Variants in GRM1 observed in about 807,000 individuals in gnomAD.
GRM1 encodes metabotropic glutamate receptor 1.
A neutral mutation model predicts 90.9 loss-of-function variants in GRM1; 33 were observed. The ratio of observed to expected loss-of-function variants is 0.36; its 90% CI spans 0.28 to 0.49. The LOEUF (loss-of-function observed/expected upper bound fraction) is 0.49. Ranked by LOEUF, GRM1 falls within the 20% of genes least tolerant of loss-of-function variation. GRM1 has a pLI of 0.99. For missense variants in GRM1, 1,190 were observed against 1,534.3 expected (o/e 0.78, Z 3.75); for synonymous variants, 700 against 613.2 (o/e 1.14, Z -2.09).
chr6:146,148,274 AC>A (rs749492228), intron 1 of GRM1, among the ~76,000 whole-genome samples: 3 of 151,900 alleles, frequency 2.0e-5, no homozygotes, highest in Non-Finnish European at 4.4e-5. Context: ...TAACTTAGAA[AC>A]AAAAAATATT....
Position 146,434,875 on chromosome 6 carries a change from A to G in GRM1, c.*79A>G. The G allele has an allele frequency of 3.0e-6, 4 of 1,312,966 alleles. No homozygotes were observed. The highest frequency in any genetic ancestry group is 4.3e-6 in the Non-Finnish European group (4 of 923,924). The allele number at this position is 1,312,966 out of a possible 1,614,324, so 81.3% of individuals were successfully genotyped here. Reference sequence around the variant, plus strand: ...CAGAGATGTGCAAACAGCTGGGAGGAAAAGCCTGGGAGTGGGGGGCCTCGT... The same window carrying G: ...CAGAGATGTGCAAACAGCTGGGAGGGAAAGCCTGGGAGTGGGGGGCCTCGT... On this transcript the variant is annotated 3_prime_UTR_variant, in exon 8 of 8. Coordinates refer to ENST00000282753, the MANE Select transcript of GRM1 (RefSeq NM_001278064.2).
intron 1 of GRM1, among the ~76,000 whole-genome samples, chr6:146,104,819 C>A (rs1484285195): frequency 6.6e-6 from 1 of 152,102 alleles, no homozygotes; most frequent in Non-Finnish European, 1.5e-5. Flanking sequence ...AATTTTGCAA[C>A]GTGATATTGA....
intron 2 of GRM1, among the ~76,000 whole-genome samples, chr6:146,203,222 A>AAT (rs1779380798): frequency 6.6e-6 from 1 of 151,522 alleles, no homozygotes; most frequent in East Asian, 1.9e-4. Flanking sequence ...TAAATAAATA[A>AAT]ATAAATAAAT....
intron 3 of GRM1, among the ~76,000 whole-genome samples, chr6:146,331,208 G>A (rs1319092490): frequency 6.6e-6 from 1 of 152,106 alleles, no homozygotes; most frequent in African/African-American, 2.4e-5. Flanking sequence ...AGTCACTATT[G>A]GAAATGATCT....
At chr6:146,263,624 T>C (rs1347925034) in intron 2 of GRM1, among the ~76,000 whole-genome samples, 1 of 152,052 alleles carries the variant, frequency 6.6e-6, no homozygotes, top group African/African-American at 2.4e-5. Context: ...ATTGCTTTAG[T>C]ACAATATTTT....
Position 146,399,014 on chromosome 6 carries a change from C to A in GRM1, c.1975C>A (p.Leu659Ile). The A allele has an allele frequency of 1.2e-6, 2 of 1,614,052 alleles. No individual in the cohort carries two copies. Among genetic ancestry groups the A allele is most frequent in the Non-Finnish European group, 1.7e-6 (2 of 1,179,982 alleles). Reference sequence around the variant, plus strand: ...CAAACCTACTACCACCTCCTGCTACCTCCAGCGCCTCTTGGTTGGCCTCTC... The same window carrying A: ...CAAACCTACTACCACCTCCTGCTACATCCAGCGCCTCTTGGTTGGCCTCTC... ...IAKPTTTSCYLQRLLVGLSSA... is the reference protein window; with the variant it reads ...IAKPTTTSCYIQRLLVGLSSA... Residue 659 changes from leucine (L) to isoleucine (I), a missense_variant, in exon 7 of 8, where the codon CTC (leucine) becomes ATC (isoleucine). Transcript: ENST00000282753. This position sits in a 1 kb window ranked among gnomAD's most constrained non-coding sequence, Gnocchi z 5.4.
At chr6:146,411,585 G>A (rs1157509447) in intron 7 of GRM1, among the ~76,000 whole-genome samples, 1 of 152,166 alleles carries the variant, frequency 6.6e-6, no homozygotes. Flanking sequence ...CAGTATGCAG[G>A]ATGTTTAGGA....
chr6:146,140,157 C>CTCCTTCCT (rs1206596762), intron 1 of GRM1, among the ~76,000 whole-genome samples: 1 of 110,232 alleles, frequency 9.1e-6, no homozygotes, highest in African/African-American at 3.5e-5. Flanking sequence ...TTCCTTCTTT[C>CTCCTTCCT]TCCTTCCTTC....
chr6:146,392,954 G>A (rs879078875), intron 6 of GRM1, among the ~76,000 whole-genome samples: 1 of 152,118 alleles, frequency 6.6e-6, no homozygotes, highest in Admixed American at 6.5e-5. Flanking sequence ...ATTTGGGTTG[G>A]TTCCAAGTTT....
chr6:146,065,660 A>G (rs1396369890), intron 1 of GRM1, among the ~76,000 whole-genome samples: 2 of 152,202 alleles, frequency 1.3e-5, no homozygotes, highest in African/African-American at 4.8e-5. Flanking sequence ...AAACAAGGAT[A>G]GAAGCAGGGT....
At chr6:146,419,926 G>A (rs1475730132) in intron 7 of GRM1, among the ~76,000 whole-genome samples, 1 of 152,144 alleles carries the variant, frequency 6.6e-6, no homozygotes, top group Non-Finnish European at 1.5e-5. Context: ...ATATTCCTGA[G>A]TTTCCAGGCT....
At chr6:146,315,483 G>A (rs1250745622) in intron 3 of GRM1, among the ~76,000 whole-genome samples, 1 of 152,282 alleles carries the variant, frequency 6.6e-6, no homozygotes, top group African/African-American at 2.4e-5. Context: ...ATACTATTAT[G>A]CAATCCATTT....
At chr6:146,279,338 A>G (rs1174042596) in intron 2 of GRM1, among the ~76,000 whole-genome samples, 1 of 151,592 alleles carries the variant, frequency 6.6e-6, no homozygotes, top group African/African-American at 2.4e-5. Flanking sequence ...TCTATTACAT[A>G]CTCTCTTTTT....
At chr6:146,172,471 G>A (rs1035075459) in intron 2 of GRM1, among the ~76,000 whole-genome samples, 7 of 152,180 alleles carry the variant, frequency 4.6e-5, no homozygotes, top group Admixed American at 4.6e-4. Flanking sequence ...ATTTGAGCAT[G>A]GACATCTTTG....
At chr6:146,135,997 A>G (rs1367330641) in intron 1 of GRM1, among the ~76,000 whole-genome samples, 1 of 152,104 alleles carries the variant, frequency 6.6e-6, no homozygotes, top group East Asian at 1.9e-4. Context: ...AATTGTTTGA[A>G]TTTTAGCTTT....
intron 1 of GRM1, among the ~76,000 whole-genome samples, chr6:146,142,236 CT>C: frequency 6.6e-6 from 1 of 152,154 alleles, no homozygotes; most frequent in Non-Finnish European, 1.5e-5. Flanking sequence ...TTTATCTTCC[CT>C]TACTTTCTCC....
intron 7 of GRM1, among the ~76,000 whole-genome samples, chr6:146,432,672 TA>T (rs1333907797): frequency 7.2e-5 from 11 of 152,146 alleles, no homozygotes; most frequent in Non-Finnish European, 1.2e-4. Context: ...AGCAAACTTC[TA>T]AAAAAAGAAA....
intron 1 of GRM1, among the ~76,000 whole-genome samples, chr6:146,078,936 G>C (rs556081025): frequency 6.6e-6 from 1 of 152,172 alleles, no homozygotes; most frequent in Admixed American, 6.5e-5. Flanking sequence ...TTTGAAGGGT[G>C]GGGGAGAATG....
At chr6:146,329,430 T>C (rs1201548765) in intron 3 of GRM1, among the ~76,000 whole-genome samples, 1 of 152,186 alleles carries the variant, frequency 6.6e-6, no homozygotes, top group Non-Finnish European at 1.5e-5. Context: ...ATTAAGGTCA[T>C]GAGCAGTTAG....
Sources: allele counts gnomAD v4.1 joint callset (sites outside exome capture counted in the v4.1 genomes callset), GRCh38; gene constraint gnomAD v4.1.1; non-coding constraint Gnocchi (gnomAD v3.1); transcripts MANE v1.5; gene names NCBI Gene and HGNC (gene_info 2026-07-23, HGNC 2026-07-21).